The following RANBP2 variants were observed in gnomAD, a reference collection of about 807,000 sequenced individuals.
The protein encoded by RANBP2 is RAN binding protein 2.
Under a neutral mutation model 303.6 loss-of-function variants are expected in RANBP2, and 57 were observed. That is an observed-to-expected ratio of 0.19 (90% confidence interval 0.15 to 0.23). The LOEUF is 0.23. Among genes scored for constraint, RANBP2 ranks in the 10% least tolerant of loss-of-function variants. The pLI is 1.00. For synonymous variants in RANBP2, 1,167 were observed against 1,301.5 expected, an observed-to-expected ratio of 0.90 and a Z score of 2.23; for missense variants, 3,138 against 3,780.8, an observed-to-expected ratio of 0.83 and a Z score of 4.46.
chr2:108,992,611 T>C, the RANBP2 span, among the ~76,000 whole-genome samples: 1 of 152,218 alleles, frequency 6.6e-6, no homozygotes, highest in Non-Finnish European at 1.5e-5. Flanking sequence ...TACCTGCAGG[T>C]GAAGTCTATC....
the RANBP2 span, chr2:109,567,970 T>G: frequency 6.3e-7 from 1 of 1,591,746 alleles, no homozygotes; most frequent in Non-Finnish European, 8.5e-7. Context: ...ACTGGTATAA[T>G]GTTTACCTAT....
chr2:109,732,123 G>A, the RANBP2 span, among the ~76,000 whole-genome samples: 2 of 152,180 alleles, frequency 1.3e-5, no homozygotes, highest in Admixed American at 6.5e-5. Flanking sequence ...TTCCCAAAGT[G>A]TTGGGATTAT....
chr2:109,204,583 G>A, the RANBP2 span, among the ~76,000 whole-genome samples: 1 of 152,236 alleles, frequency 6.6e-6, no homozygotes, highest in South Asian at 2.1e-4. Flanking sequence ...AGCGTCCCTG[G>A]CCTCCATCCT....
chr2:109,490,096 C>G, the RANBP2 span, among the ~76,000 whole-genome samples: 2 of 152,232 alleles, frequency 1.3e-5, no homozygotes, highest in Non-Finnish European at 2.9e-5. Context: ...ACAAGGTTAT[C>G]TTTAAAGTTT....
chr2:109,569,437 T>TA, the RANBP2 span, among the ~76,000 whole-genome samples: 6,481 of 131,202 alleles, frequency 0.049, 208 homozygotes, highest in East Asian at 0.17. Context: ...AAACTCTTGT[T>TA]AAAAAAAAAA....
At chr2:108,759,612 C>T (rs1175460247) in intron 18 of RANBP2, among the ~76,000 whole-genome samples, 1 of 152,216 alleles carries the variant, frequency 6.6e-6, no homozygotes, top group East Asian at 1.9e-4. Flanking sequence ...AGTATCTTCT[C>T]AACACAAGCA....
At chr2:109,188,812 A>G in the RANBP2 span, among the ~76,000 whole-genome samples, 4 of 152,128 alleles carry the variant, frequency 2.6e-5, no homozygotes, top group South Asian at 2.1e-4. Flanking sequence ...GAACAGATTA[A>G]AAACTGTTCC....
the RANBP2 span, among the ~76,000 whole-genome samples, chr2:109,123,922 A>G: frequency 6.6e-6 from 1 of 152,312 alleles, no homozygotes; most frequent in East Asian, 1.9e-4. Flanking sequence ...CCATGGACAT[A>G]ACTGAAACCA....
At chr2:109,507,954 G>A in the RANBP2 span, among the ~76,000 whole-genome samples, 1 of 152,218 alleles carries the variant, frequency 6.6e-6, no homozygotes, top group Non-Finnish European at 1.5e-5. Flanking sequence ...AATGCCAAGA[G>A]TGGTGGGTTC....
chr2:109,628,500 TAATAAATAAATA>T, the RANBP2 span, among the ~76,000 whole-genome samples: 5,822 of 146,904 alleles, frequency 0.04, 386 homozygotes, highest in African/African-American at 0.14. Flanking sequence ...TCTCAAAAAA[TAATAAATAAATA>T]AATAAATAAA....
chr2:109,274,251 T>C, the RANBP2 span, among the ~76,000 whole-genome samples: 1 of 152,230 alleles, frequency 6.6e-6, no homozygotes, highest in Non-Finnish European at 1.5e-5. Context: ...AAACATGTTA[T>C]CATTTTTTTT....
the RANBP2 span, among the ~76,000 whole-genome samples, chr2:109,387,754 C>T: frequency 1.3e-5 from 2 of 152,218 alleles, no homozygotes; most frequent in African/African-American, 4.8e-5. Flanking sequence ...TCTGGGAGAG[C>T]AGGGGTTTTG....
intron 6 of RANBP2, among the ~76,000 whole-genome samples, chr2:108,736,556 A>T (rs576584731): frequency 6.6e-6 from 1 of 152,324 alleles, no homozygotes; most frequent in South Asian, 2.1e-4. Context: ...CTGCTATTTC[A>T]TATTTTATTT....
At chr2:108,877,350 T>C in the RANBP2 span, among the ~76,000 whole-genome samples, 4 of 151,476 alleles carry the variant, frequency 2.6e-5, no homozygotes, top group Non-Finnish European at 5.9e-5. Flanking sequence ...CCTGTGATCC[T>C]AGCTACTCGG....
chr2:108,725,509 C>T (rs944243285), intron 1 of RANBP2, among the ~76,000 whole-genome samples: 14 of 152,172 alleles, frequency 9.2e-5, no homozygotes, highest in Non-Finnish European at 7.3e-5. Context: ...CGCCTGTAAT[C>T]CCAGCACTTT....
At chr2:109,521,067 A>T in the RANBP2 span, among the ~76,000 whole-genome samples, 1 of 151,604 alleles carries the variant, frequency 6.6e-6, no homozygotes, top group South Asian at 2.1e-4. Flanking sequence ...AATACAAAAA[A>T]TTAGCCGGGC....
At chr2:109,658,760 G>A in the RANBP2 span, among the ~76,000 whole-genome samples, 11 of 151,738 alleles carry the variant, frequency 7.2e-5, no homozygotes, top group South Asian at 2.1e-4. Context: ...GGGAAACCCC[G>A]TCTCTACTAA....
chr2:109,247,737 A>G, the RANBP2 span, among the ~76,000 whole-genome samples: 2 of 152,228 alleles, frequency 1.3e-5, no homozygotes, highest in East Asian at 3.8e-4. Context: ...GATTTGCTGT[A>G]TAACAGAAAC....
At chr2:109,704,378 T>C in the RANBP2 span, among the ~76,000 whole-genome samples, 1 of 151,864 alleles carries the variant, frequency 6.6e-6, no homozygotes, top group African/African-American at 2.4e-5. Flanking sequence ...CAAAACCTCA[T>C]TTCTACAAAA....
Sources: allele counts gnomAD v4.1 joint callset (sites outside exome capture counted in the v4.1 genomes callset), GRCh38; gene constraint gnomAD v4.1.1; transcripts MANE v1.5; gene names NCBI Gene and HGNC (gene_info 2026-07-23, HGNC 2026-07-21).